The following PCDH7 variants were observed in gnomAD, a reference collection of about 807,000 sequenced individuals.
PCDH7 encodes protocadherin 7.
A neutral mutation model predicts 58.9 loss-of-function variants in PCDH7; 17 were observed. The ratio of observed to expected loss-of-function variants is 0.29; its 90% CI spans 0.20 to 0.43. The LOEUF is 0.43. PCDH7 is among the 20% of genes least tolerant of loss of function. PCDH7 has a pLI of 1.00. For missense variants in PCDH7, 1,274 were observed against 1,441.0 expected, an observed-to-expected ratio of 0.88 and a Z score of 1.88; for synonymous variants, 664 against 616.4, an observed-to-expected ratio of 1.08 and a Z score of -1.14.
chr4:30,932,013 A>T (rs1174732682), intron 2 of PCDH7, among the ~76,000 whole-genome samples: 1 of 152,138 alleles, frequency 6.6e-6, no homozygotes, highest in African/African-American at 2.4e-5. Flanking sequence ...CTTAAAATTA[A>T]AAGAATATGT....
rs199731565 is a variant in PCDH7 at position 30,894,596 on chromosome 4, C to T, written c.71-25557C>T. 1.2e-3 allele frequency among the ~76,000 whole-genome samples: 147 copies of T among 124,106 alleles called. 1 individual carries two copies. In the East Asian group the frequency reaches 0.022, roughly 19 times the overall value. The allele number at this position is 124,106 out of a possible 152,430, so 81.4% of individuals were successfully genotyped here. A position where few individuals can be genotyped will look rare whatever the true frequency, so the allele number is the denominator to read the frequency against. ...ACACACACATATATACACACACACA[C>T]ATATATATATATATATATATGTTTT... On this transcript the variant is annotated intron_variant, in intron 1 of 3. Transcript: ENST00000509759.
rs184226727 is a variant in PCDH7, at chr4:31,089,668, C to T, written c.*8-52805C>T. ...TGACATATTTACGTATGTTTTCTTA[C>T]TTGAGAATTTCTAAAGCCATTTATA... On this transcript the variant is annotated intron_variant, in intron 3 of 3. Coordinates refer to the PCDH7 transcript ENST00000509759. 7.9e-4 allele frequency among the ~76,000 whole-genome samples: 120 copies of T among 152,076 alleles called. 1 individual carries two copies. Among genetic ancestry groups the T allele is most frequent in the East Asian group, 6.8e-3 (35 of 5,172 alleles).
rs1560287551 is a variant in PCDH7, at chr4:30,721,042, GC to G, written c.-379del. The G allele has an allele frequency of 4.6e-6, 1 of 215,868 alleles. No homozygotes were observed. The highest frequency in any genetic ancestry group is 9.0e-6 in the Non-Finnish European group (1 of 110,588). The allele number at this position is 215,868 out of a possible 1,614,324, so 13.4% of individuals were successfully genotyped here. On this transcript the variant is annotated 5_prime_UTR_variant, in exon 1 of 2. Transcript: ENST00000361762. The surrounding 1 kb of genome is among the most constrained non-coding windows in gnomAD (Gnocchi z 6.7). ...CCCTTCCGACAGAGCGGGGACTAGAGCCGGGGATTCTCCGCCCGCTGAGGGG... is the reference window on the plus strand; with the variant it reads ...CCCTTCCGACAGAGCGGGGACTAGAGCGGGGATTCTCCGCCCGCTGAGGGG...
chr4:31,058,316 G>C (rs1468341828), intron 3 of PCDH7, among the ~76,000 whole-genome samples: 1 of 152,040 alleles, frequency 6.6e-6, no homozygotes, highest in African/African-American at 2.4e-5. Context: ...CTGTTTAATA[G>C]AGTATGCACA....
chr4:30,943,027 G>C (rs1283093639), intron 2 of PCDH7, among the ~76,000 whole-genome samples: 1 of 151,716 alleles, frequency 6.6e-6, no homozygotes, highest in African/African-American at 2.4e-5. Flanking sequence ...GGTGACACTG[G>C]GTGGAAATCA....
rs562641211 is a variant in PCDH7 at position 30,913,571 on chromosome 4, C to T, written c.71-6582C>T. Among the ~76,000 whole-genome samples the T allele has an allele frequency of 4.6e-5, 7 of 152,204 alleles. No homozygotes were observed. In the South Asian group the frequency reaches 8.3e-4, roughly 18 times the overall value. ...TTCATGTCATCTCTAAATCTGTCAA[C>T]TGCCTACATTTAGGGTGACTGTTAG... is the stretch of plus-strand genomic sequence containing the variant. On this transcript the variant is annotated intron_variant, in intron 1 of 3. Coordinates refer to the PCDH7 transcript ENST00000509759.
chr4:31,126,705 C>T (rs1284068797), intron 3 of PCDH7, among the ~76,000 whole-genome samples: 2 of 152,130 alleles, frequency 1.3e-5, no homozygotes, highest in Non-Finnish European at 2.9e-5. Context: ...CAGAGATTGC[C>T]AGTTTTGTCC....
intron 3 of PCDH7, among the ~76,000 whole-genome samples, chr4:31,086,645 A>C (rs1471277066): frequency 6.6e-6 from 1 of 152,156 alleles, no homozygotes; most frequent in East Asian, 1.9e-4. Flanking sequence ...TTATATGTTT[A>C]TGTTTCTGTC....
At chr4:30,976,985 G>A (rs746241609) in intron 3 of PCDH7, among the ~76,000 whole-genome samples, 1 of 152,096 alleles carries the variant, frequency 6.6e-6, no homozygotes, top group Admixed American at 6.6e-5. Flanking sequence ...AATCTATGCT[G>A]TTTGTTTGTA....
At chr4:30,935,154 A>G (rs1281990484) in intron 2 of PCDH7, among the ~76,000 whole-genome samples, 2 of 152,070 alleles carry the variant, frequency 1.3e-5, no homozygotes, top group African/African-American at 4.8e-5. Flanking sequence ...TTATTTATAG[A>G]AGTATTGAAT....
At chr4:31,027,224 A>G (rs968554567) in intron 3 of PCDH7, among the ~76,000 whole-genome samples, 3 of 152,088 alleles carry the variant, frequency 2.0e-5, no homozygotes, top group Non-Finnish European at 4.4e-5. Context: ...ATTGCCAGCT[A>G]AGCTTTCTTG....
In PCDH7 at chr4:31,121,866, A is replaced by T. The variant is rs567359839; in HGVS notation, c.*8-20607A>T. Among the ~76,000 whole-genome samples the T allele has an allele frequency of 3.9e-5, 6 of 152,290 alleles. No individual in the cohort carries two copies. The South Asian group carries it at 1.2e-3, about 32-fold the overall frequency. On this transcript the variant is annotated intron_variant, in intron 3 of 3. Transcript: ENST00000509759. ...ATGTGGGTCTCTTTAGTTATCTACA[A>T]GGTAGCAGATTTTATTATATCTTGC...
chr4:31,119,956 T>A (rs1165229183), intron 3 of PCDH7, among the ~76,000 whole-genome samples: 1 of 151,908 alleles, frequency 6.6e-6, no homozygotes, highest in Non-Finnish European at 1.5e-5. Context: ...AGGTTTTTTT[T>A]TTTTCCATCT....
At chr4:30,971,359 A>G (rs1443666438) in intron 3 of PCDH7, among the ~76,000 whole-genome samples, 1 of 152,220 alleles carries the variant, frequency 6.6e-6, no homozygotes, top group East Asian at 1.9e-4. Context: ...GCAAAGCAAT[A>G]GGAAAATAAA....
intron 3 of PCDH7, chr4:30,987,773 T>TATTTTTATGGTAC (rs576724052): frequency 9.8e-4 from 150 of 152,330 alleles, no homozygotes; most frequent in African/African-American, 3.6e-3. Flanking sequence ...AAGAATATTT[T>TATTTTTATGGTAC]TATTTTTAAA....
At chr4:31,060,778 G>A (rs1757627711) in intron 3 of PCDH7, among the ~76,000 whole-genome samples, 2 of 151,588 alleles carry the variant, frequency 1.3e-5, no homozygotes, top group Non-Finnish European at 3.0e-5. Context: ...TCAGCCATGA[G>A]GATGAAAATG....
intron 1 of PCDH7, among the ~76,000 whole-genome samples, chr4:30,751,685 A>G (rs1279439580): frequency 6.6e-6 from 1 of 152,120 alleles, no homozygotes; most frequent in East Asian, 1.9e-4. Context: ...AGAGCTAGGT[A>G]CTGTGCTTTG....
chr4:31,054,976 A>T (rs1757033001), intron 3 of PCDH7, among the ~76,000 whole-genome samples: 1 of 152,078 alleles, frequency 6.6e-6, no homozygotes, highest in South Asian at 2.1e-4. Context: ...TAATGATCTT[A>T]TATTGGCTTG....
intron 3 of PCDH7, among the ~76,000 whole-genome samples, chr4:31,004,063 G>A (rs1752568991): frequency 6.6e-6 from 1 of 152,112 alleles, no homozygotes; most frequent in African/African-American, 2.4e-5. Context: ...AAGGAGAAGA[G>A]CTTCCTTGGG....
Sources: allele counts gnomAD v4.1 joint callset (sites outside exome capture counted in the v4.1 genomes callset), GRCh38; gene constraint gnomAD v4.1.1; non-coding constraint Gnocchi (gnomAD v3.1); transcripts MANE v1.5; gene names NCBI Gene and HGNC (gene_info 2026-07-23, HGNC 2026-07-21).